Variants in TSPAN19 observed in about 807,000 individuals in gnomAD.
The protein encoded by TSPAN19 is tetraspanin 19.
A neutral mutation model predicts 35.1 loss-of-function variants in TSPAN19; 44 were observed. The ratio of observed to expected loss-of-function variants is 1.25; its 90% CI spans 0.98 to 1.61. TSPAN19 has a LOEUF of 1.61. TSPAN19 is among the 40% of genes most tolerant of loss of function. The probability of loss-of-function intolerance (pLI) is 0.00; values close to 1 mark genes in which losing one functional copy is unlikely to be tolerated. For missense variants in TSPAN19, 290 were observed against 280.0 expected (o/e 1.04, Z -0.26); for synonymous variants, 79 against 92.0 (o/e 0.86, Z 0.81).
intron 4 of TSPAN19, among the ~76,000 whole-genome samples, chr12:85,027,575 C>T (rs1877475281): frequency 6.6e-6 from 1 of 152,028 alleles, no homozygotes; most frequent in African/African-American, 2.4e-5. Context: ...GACTTGAATA[C>T]ACTTTATTCT....
At chr12:85,033,272 G>A (rs550085153) in intron 1 of TSPAN19, among the ~76,000 whole-genome samples, 1 of 152,212 alleles carries the variant, frequency 6.6e-6, no homozygotes, top group East Asian at 1.9e-4. Context: ...GCATGGATCA[G>A]AGTGGCAAGA....
intron 3 of TSPAN19, among the ~76,000 whole-genome samples, chr12:85,028,698 A>G (rs1877539877): frequency 6.6e-6 from 1 of 152,206 alleles, no homozygotes; most frequent in African/African-American, 2.4e-5. Flanking sequence ...ATAAAAGCCA[A>G]TTGTGATATT....
At chr12:85,026,631 T>C (rs1239703440) in intron 4 of TSPAN19, among the ~76,000 whole-genome samples, 1 of 152,060 alleles carries the variant, frequency 6.6e-6, no homozygotes, top group Non-Finnish European at 1.5e-5. Flanking sequence ...CAGGTGTACC[T>C]CCCAATTGCT....
In TSPAN19 at chr12:85,036,220, G is replaced by A. The variant is rs1260219441; in HGVS notation, c.-44C>T. The A allele has an allele frequency of 6.6e-6, 1 of 152,182 alleles. No individual in the cohort carries two copies. 9.4% of individuals were successfully genotyped at this position (152,182 alleles called of 1,614,324 possible). ...AAAATCTACCTGTAAAAAACCGTAA[G>A]CTCCTCATCCAGTCCCTGAAATGCT... is the stretch of plus-strand genomic sequence containing the variant. On this transcript the variant is annotated 5_prime_UTR_variant, in exon 1 of 9. Transcript: ENST00000532498.
intron 7 of TSPAN19, chr12:85,017,238 T>C: frequency 2.1e-6 from 1 of 472,828 alleles, no homozygotes; most frequent in Non-Finnish European, 3.7e-6. Context: ...ACATAAATCA[T>C]ATACTCCCAG....
chr12:85,017,601 T>A lies in TSPAN19; in HGVS notation c.451-2A>T, dbSNP rs760713834. On this transcript the variant is annotated splice_acceptor_variant, in intron 6 of 8. Transcript: ENST00000532498. LOFTEE classifies it high-confidence loss of function. Reference sequence around the variant, plus strand: ...ATTATGTTGGCCACAACACTGTAACTAGGAAAAAGCTTATATGAATTTTAC... The same window carrying A: ...ATTATGTTGGCCACAACACTGTAACAAGGAAAAAGCTTATATGAATTTTAC... 1.6e-5 allele frequency: 25 copies of A among 1,551,906 alleles called. No homozygotes were observed. Among genetic ancestry groups the A allele is most frequent in the Non-Finnish European group, 2.2e-5 (25 of 1,149,986 alleles).
intron 3 of TSPAN19, among the ~76,000 whole-genome samples, chr12:85,028,971 G>A (rs1241025687): frequency 6.6e-6 from 1 of 152,110 alleles, no homozygotes; most frequent in African/African-American, 2.4e-5. Context: ...TAACCAGGTT[G>A]GAATGGTGGA....
intron 8 of TSPAN19, 174 bp downstream of exon 8, chr12:85,015,714 C>A: frequency 2.0e-6 from 1 of 488,468 alleles, no homozygotes. Context: ...AATAGGCTCC[C>A]CTGACCTGGC....
chr12:85,019,824 T>C (rs1463048303), intron 5 of TSPAN19, 88 bp from the exon 6 acceptor site: 2 of 628,422 alleles, frequency 3.2e-6, no homozygotes, highest in Non-Finnish European at 5.5e-6. Flanking sequence ...AAGAGTACCA[T>C]CATGAAAAGA....
chr12:85,030,390 C>G lies in TSPAN19; in HGVS notation c.-27-417G>C, dbSNP rs1877628472. Among the ~76,000 whole-genome samples, 4 of 152,068 alleles carry G rather than the reference C, an allele frequency of 2.6e-5. 1 individual carries two copies. The South Asian group carries it at 8.3e-4, about 32-fold the overall frequency. ...TTCCAGTCTTAATATACCTTGTTCCCTTGGCTGGAAAGTTTTCCTCACTTC... is the reference window on the plus strand; with the variant it reads ...TTCCAGTCTTAATATACCTTGTTCCGTTGGCTGGAAAGTTTTCCTCACTTC... On this transcript the variant is annotated intron_variant, in intron 1 of 8. Coordinates refer to ENST00000532498, the MANE Select transcript of TSPAN19 (RefSeq NM_001100917.2).
intron 1 of TSPAN19, among the ~76,000 whole-genome samples, chr12:85,035,805 T>C (rs895458541): frequency 6.6e-6 from 1 of 152,158 alleles, no homozygotes; most frequent in South Asian, 2.1e-4. Context: ...TGAAATACTG[T>C]GTGACAATAT....
rs371762408 is a variant in TSPAN19 at position 85,014,500 on chromosome 12, T to C, written c.734A>G (p.His245Arg). Residue 245 changes from histidine to arginine, a missense_variant, in exon 9 of 9, where the codon CAT (histidine) becomes CGT (arginine). Physicochemically the swap from His to Arg is conservative, Grantham distance 29. Transcript: ENST00000532498. ...CFFKNIKNII[H>R]AEM ...GAAATCCAAAGGTCACATTTCTGCA[T>C]GGATTATATTCTTGATGTTTTTGAA... 1.2e-6 allele frequency: 2 copies of C among 1,601,130 alleles called. No individual in the cohort carries two copies. The highest frequency in any genetic ancestry group is 1.1e-5 in the South Asian group (1 of 88,820).
At chr12:85,027,850 A>G (rs1354547312) in intron 4 of TSPAN19, 49 bp downstream of exon 4, 1 of 1,498,980 alleles carries the variant, frequency 6.7e-7, no homozygotes, top group Non-Finnish European at 9.0e-7. Context: ...TAACTTAGAT[A>G]CTTAAAAATC....
intron 1 of TSPAN19, among the ~76,000 whole-genome samples, chr12:85,030,325 A>T (rs1252450744): frequency 1.3e-5 from 2 of 152,112 alleles, no homozygotes; most frequent in Admixed American, 1.3e-4. Context: ...GTATTTTTAA[A>T]TTTTTATTTT....
At chr12:85,035,954 T>C (rs185536633) in intron 1 of TSPAN19, among the ~76,000 whole-genome samples, 40 of 152,204 alleles carry the variant, frequency 2.6e-4, no homozygotes, top group African/African-American at 8.9e-4. Context: ...TAAAAAACTG[T>C]TGTCATGGAA....
At chr12:85,033,335 T>C (rs912660364) in intron 1 of TSPAN19, among the ~76,000 whole-genome samples, 1 of 152,106 alleles carries the variant, frequency 6.6e-6, no homozygotes, top group Non-Finnish European at 1.5e-5. Flanking sequence ...ACAAATCTTA[T>C]ATGCTTTACT....
intron 1 of TSPAN19, among the ~76,000 whole-genome samples, chr12:85,033,397 T>C (rs1253050981): frequency 6.6e-6 from 1 of 151,846 alleles, no homozygotes; most frequent in Non-Finnish European, 1.5e-5. Context: ...CTGGCCTCAA[T>C]GTGGAAGCCA....
chr12:85,035,750 A>G (rs1344334308), intron 1 of TSPAN19, among the ~76,000 whole-genome samples: 3 of 152,132 alleles, frequency 2.0e-5, no homozygotes, highest in African/African-American at 7.2e-5. Context: ...AAATTAAGTT[A>G]AAATTAAATA....
intron 3 of TSPAN19, among the ~76,000 whole-genome samples, chr12:85,028,451 A>G (rs1877528177): frequency 6.6e-6 from 1 of 152,076 alleles, no homozygotes. Flanking sequence ...CTTTCAAACT[A>G]TATTTTATTT....
Sources: allele counts gnomAD v4.1 joint callset (sites outside exome capture counted in the v4.1 genomes callset), GRCh38; gene constraint gnomAD v4.1.1; transcripts MANE v1.5; gene names NCBI Gene and HGNC (gene_info 2026-07-23, HGNC 2026-07-21).